The following SLC22A16 variants were observed in gnomAD, a reference collection of about 807,000 sequenced individuals.
SLC22A16 encodes the protein solute carrier family 22 member 16.
Under a neutral mutation model 52.9 loss-of-function variants are expected in SLC22A16, and 53 were observed. That is an observed-to-expected ratio of 1.00 (90% confidence interval 0.80 to 1.26). The LOEUF is 1.26. Ranked by LOEUF, SLC22A16 falls within the 50% of genes most tolerant of loss-of-function variation. The pLI is 0.00. For missense variants in SLC22A16, 726 were observed against 704.0 expected, an observed-to-expected ratio of 1.03 and a Z score of -0.35; for synonymous variants, 291 against 268.8, an observed-to-expected ratio of 1.08 and a Z score of -0.81.
At chr6:110,457,490 G>T (rs562825532) in intron 1 of SLC22A16, among the ~76,000 whole-genome samples, 1 of 152,206 alleles carries the variant, frequency 6.6e-6, no homozygotes, top group Non-Finnish European at 1.5e-5. Context: ...GCCGAGGCAA[G>T]AGACCGAGCA....
chr6:110,448,759 AC>A (rs1454814565), intron 2 of SLC22A16, among the ~76,000 whole-genome samples: 2 of 152,168 alleles, frequency 1.3e-5, no homozygotes, highest in Non-Finnish European at 2.9e-5. Flanking sequence ...AAAGAGGAAG[AC>A]CCACAACTTC....
intron 2 of SLC22A16, among the ~76,000 whole-genome samples, chr6:110,448,018 T>A (rs1004654804): frequency 6.6e-6 from 1 of 152,138 alleles, no homozygotes; most frequent in African/African-American, 2.4e-5. Context: ...ATACCTAGAG[T>A]GAAATTCCTG....
chr6:110,434,101 A>G (rs184908908), intron 6 of SLC22A16, among the ~76,000 whole-genome samples: 16 of 152,150 alleles, frequency 1.1e-4, no homozygotes, highest in African/African-American at 3.6e-4. Context: ...TTAGCCGGGC[A>G]TGGTGGTGCA....
chr6:110,461,194 C>A (rs201363482), intron 1 of SLC22A16, among the ~76,000 whole-genome samples: 1 of 152,220 alleles, frequency 6.6e-6, no homozygotes, highest in Non-Finnish European at 1.5e-5. Flanking sequence ...AGAGGACAGA[C>A]AAGCCACAGA....
rs767202945 is a variant in SLC22A16 at position 110,425,319 on chromosome 6, G to GGAGT, written c.1522-238_1522-235dup. 6.4e-5 allele frequency: 95 copies of GGAGT among 1,474,238 alleles called. No individual in the cohort carries two copies. In the Middle Eastern group the frequency reaches 1.1e-3, roughly 17 times the overall value. 91.3% of individuals were successfully genotyped at this position (1,474,238 alleles called of 1,614,324 possible). A position where few individuals can be genotyped will look rare whatever the true frequency, so the allele number is the denominator to read the frequency against. Reference sequence around the variant, plus strand: ...CATTCATTCCTTCATGACCCACCATGGAGTGCCTCCTTAATTGCCAGCTAC... The same window carrying GGAGT: ...CATTCATTCCTTCATGACCCACCATGGAGTGAGTGCCTCCTTAATTGCCAGCTAC... On this transcript the variant is annotated intron_variant, in intron 7 of 7. Transcript: ENST00000368919.
intron 4 of SLC22A16, among the ~76,000 whole-genome samples, chr6:110,441,738 G>T (rs1774975411): frequency 1.3e-5 from 2 of 152,166 alleles, no homozygotes; most frequent in African/African-American, 4.8e-5. Context: ...CATCAAACAA[G>T]GGCAATTTTG....
intron 7 of SLC22A16, among the ~76,000 whole-genome samples, chr6:110,428,879 C>A (rs1774382448): frequency 6.6e-6 from 1 of 152,084 alleles, no homozygotes; most frequent in African/African-American, 2.4e-5. Flanking sequence ...GGGATCAGAC[C>A]ACTGCACTCC....
chr6:110,469,084 GC>G (rs946004574), intron 1 of SLC22A16, among the ~76,000 whole-genome samples: 1 of 152,174 alleles, frequency 6.6e-6, no homozygotes, highest in African/African-American at 2.4e-5. Context: ...ACCCTACAGT[GC>G]CATCCAGTCT....
chr6:110,445,209 T>G (rs1399478211), intron 3 of SLC22A16, among the ~76,000 whole-genome samples: 2 of 152,124 alleles, frequency 1.3e-5, no homozygotes, highest in Admixed American at 1.3e-4. Flanking sequence ...GCCTCATCAA[T>G]GCGTCTCTCC....
chr6:110,445,863 T>C (rs1775150963), intron 3 of SLC22A16, among the ~76,000 whole-genome samples: 2 of 152,182 alleles, frequency 1.3e-5, no homozygotes, highest in Admixed American at 1.3e-4. Flanking sequence ...CTGGTTGCTA[T>C]CTTGTATTTA....
chr6:110,444,378 A>G (rs562388450), intron 3 of SLC22A16, among the ~76,000 whole-genome samples: 1 of 152,250 alleles, frequency 6.6e-6, no homozygotes, highest in East Asian at 1.9e-4. Flanking sequence ...ATTCGAGAGC[A>G]CCACTCCCCA....
chr6:110,429,436 G>A (rs910087839), intron 7 of SLC22A16, among the ~76,000 whole-genome samples: 8 of 152,210 alleles, frequency 5.3e-5, no homozygotes, highest in African/African-American at 1.9e-4. Flanking sequence ...GGGATACCAA[G>A]CACTGTTTTA....
At chr6:110,476,273 C>T (rs1219530266) in intron 1 of SLC22A16, 1 of 1,234,646 alleles carries the variant, frequency 8.1e-7, no homozygotes, top group Non-Finnish European at 1.1e-6. Flanking sequence ...CCCTCCTGCC[C>T]GGCAACAGGC....
intron 2 of SLC22A16, among the ~76,000 whole-genome samples, chr6:110,448,593 T>C (rs1324909470): frequency 6.6e-6 from 1 of 152,230 alleles, no homozygotes; most frequent in East Asian, 1.9e-4. Context: ...TAGTAGAGAT[T>C]GTTGGCCCTA....
chr6:110,434,877 C>A (rs999499002), intron 6 of SLC22A16, among the ~76,000 whole-genome samples: 3 of 152,120 alleles, frequency 2.0e-5, no homozygotes, highest in African/African-American at 7.2e-5. Flanking sequence ...ACTCTGGAGG[C>A]TGAGGCAAGA....
chr6:110,459,956 C>A (rs982302237), intron 1 of SLC22A16, among the ~76,000 whole-genome samples: 1 of 152,094 alleles, frequency 6.6e-6, no homozygotes, highest in Non-Finnish European at 1.5e-5. Context: ...AAATTCCAAC[C>A]CCTGAAATTA....
In SLC22A16 at chr6:110,476,179, C is replaced by G. The variant is rs888540909; in HGVS notation, c.53+343G>C. ...AACGGGCGGCCAGGCACAGGCACCCCCTACGAGTGAGATCTGGCCCCTCGA... is the reference window on the plus strand; with the variant it reads ...AACGGGCGGCCAGGCACAGGCACCCGCTACGAGTGAGATCTGGCCCCTCGA... On this transcript the variant is annotated intron_variant, in intron 1 of 7. Coordinates refer to ENST00000368919, the MANE Select transcript of SLC22A16 (RefSeq NM_033125.4). The G allele has an allele frequency of 2.0e-5, 10 of 498,732 alleles. 1 individual carries two copies. Among genetic ancestry groups the G allele is most frequent in the Middle Eastern group, 6.7e-4 (1 of 1,494 alleles). 30.9% of individuals were successfully genotyped at this position (498,732 alleles called of 1,614,324 possible). A position where few individuals can be genotyped will look rare whatever the true frequency, so the allele number is the denominator to read the frequency against.
chr6:110,467,027 C>T (rs942319353), intron 1 of SLC22A16, among the ~76,000 whole-genome samples: 5 of 152,162 alleles, frequency 3.3e-5, no homozygotes, highest in Admixed American at 1.3e-4. Context: ...GAAAACTCTA[C>T]TGTACTTTCA....
At chr6:110,466,569 A>T (rs1225958104) in intron 1 of SLC22A16, among the ~76,000 whole-genome samples, 3 of 152,168 alleles carry the variant, frequency 2.0e-5, no homozygotes, top group Non-Finnish European at 4.4e-5. Flanking sequence ...TTAAAACCAC[A>T]ATGAGATACC....
Sources: allele counts gnomAD v4.1 joint callset (sites outside exome capture counted in the v4.1 genomes callset), GRCh38; gene constraint gnomAD v4.1.1; transcripts MANE v1.5; gene names NCBI Gene and HGNC (gene_info 2026-07-23, HGNC 2026-07-21).